The following MEI4 variants were observed in gnomAD, a reference collection of about 807,000 sequenced individuals.
MEI4 encodes meiotic double-stranded break formation protein 4.
Under a neutral mutation model 31.4 loss-of-function variants are expected in MEI4, and 27 were observed. The ratio of observed to expected loss-of-function variants is 0.86; its 90% CI spans 0.63 to 1.19. The LOEUF is 1.19. MEI4 is among the 50% of genes most tolerant of loss of function. The probability of loss-of-function intolerance (pLI) is 0.00; values close to 1 mark genes in which losing one functional copy is unlikely to be tolerated. For synonymous variants in MEI4, 122 were observed against 145.4 expected (o/e 0.84, Z 1.16); for missense variants, 329 against 398.9 (o/e 0.82, Z 1.49).
In MEI4 at chr6:77,923,931, A is replaced by C. The variant is rs1260559365; in HGVS notation, c.*585A>C. The C allele has an allele frequency of 7.8e-6, 1 of 128,984 alleles. No individual in the cohort carries two copies. Among genetic ancestry groups the C allele is most frequent in the Admixed American group, 8.6e-5 (1 of 11,626 alleles). The allele number at this position is 128,984 out of a possible 1,614,324, so 8.0% of individuals were successfully genotyped here. ...TTTCATATGGCTAATACATTTGTCG[A>C]GCTCTTTTGAAAATACTATTAATTA... On this transcript the variant is annotated 3_prime_UTR_variant, in exon 5 of 5. Coordinates refer to ENST00000684080, the MANE Select transcript of MEI4 (RefSeq NM_001322247.2).
At chr6:77,863,772 TA>T (rs1269392928) in intron 4 of MEI4, among the ~76,000 whole-genome samples, 1 of 152,020 alleles carries the variant, frequency 6.6e-6, no homozygotes, top group East Asian at 1.9e-4. Context: ...CCAAGACACA[TA>T]ATTGTCAGAT....
At chr6:77,733,723 G>T (rs1262602027) in intron 2 of MEI4, among the ~76,000 whole-genome samples, 1 of 151,912 alleles carries the variant, frequency 6.6e-6, no homozygotes, top group East Asian at 1.9e-4. Flanking sequence ...TGATGTTAGG[G>T]TGTCAATTCT....
intron 4 of MEI4, among the ~76,000 whole-genome samples, chr6:77,914,713 C>A (rs1766504308): frequency 6.6e-6 from 1 of 152,154 alleles, no homozygotes; most frequent in South Asian, 2.1e-4. Flanking sequence ...ACCTATCTCT[C>A]CCCTTAGATC....
chr6:77,921,465 G>A (rs761434865), intron 4 of MEI4, among the ~76,000 whole-genome samples: 5 of 151,678 alleles, frequency 3.3e-5, no homozygotes, highest in South Asian at 2.1e-4. Context: ...GTTACCAGTC[G>A]GGCTGTTTCC....
chr6:77,653,850 C>T (rs1026282612), intron 1 of MEI4, among the ~76,000 whole-genome samples: 11 of 152,026 alleles, frequency 7.2e-5, no homozygotes, highest in Non-Finnish European at 1.5e-5. Flanking sequence ...GAAGTCAACC[C>T]CCCATCATAT....
chr6:77,905,475 C>CTTTTTTTTTTT lies in MEI4; in HGVS notation c.901-17585_901-17575dup, dbSNP rs70974691. 9.6e-5 allele frequency among the ~76,000 whole-genome samples: 9 copies of CTTTTTTTTTTT among 93,344 alleles called. 1 individual carries two copies. The highest frequency in any genetic ancestry group is 1.5e-4 in the Non-Finnish European group (7 of 47,590). The allele number at this position is 93,344 out of a possible 152,430, so 61.2% of individuals were successfully genotyped here. ...TTCTATAGATTGTATAAATTTTCAG[C>CTTTTTTTTTTT]TTTTTTTTTTTTTTTTTTTTTTTTT... On this transcript the variant is annotated intron_variant, in intron 4 of 4. Coordinates refer to ENST00000684080, the MANE Select transcript of MEI4 (RefSeq NM_001322247.2).
Position 77,685,870 on chromosome 6 carries a change from G to A in MEI4, c.-14-4788G>A, listed in dbSNP as rs539478954. On this transcript the variant is annotated intron_variant, in intron 1 of 4. Coordinates refer to ENST00000684080, the MANE Select transcript of MEI4 (RefSeq NM_001322247.2). Reference sequence around the variant, plus strand: ...TTATAATGTTTATTGTGACAGTTTGGGAACTATAGTGATATGGTTTTGATA... The same window carrying A: ...TTATAATGTTTATTGTGACAGTTTGAGAACTATAGTGATATGGTTTTGATA... Among the ~76,000 whole-genome samples, 63 of 152,194 alleles carry A rather than the reference G, an allele frequency of 4.1e-4. 1 individual carries two copies. The highest frequency in any genetic ancestry group is 2.3e-3 in the South Asian group (11 of 4,830).
At chr6:77,726,326 C>T (rs953017692) in intron 2 of MEI4, among the ~76,000 whole-genome samples, 5 of 151,596 alleles carry the variant, frequency 3.3e-5, no homozygotes, top group African/African-American at 9.8e-5. Flanking sequence ...TCTTTCTACA[C>T]AGACACAGTA....
chr6:77,711,396 G>GAT lies in MEI4; in HGVS notation c.232+20501_232+20502dup, dbSNP rs1191362102. On this transcript the variant is annotated intron_variant, in intron 2 of 4. Transcript: ENST00000684080. Reference sequence around the variant, plus strand: ...ACACAACATTACCTTGTACACTGAAGATATATATAATTTTTATTTGTCACT... The same window carrying GAT: ...ACACAACATTACCTTGTACACTGAAGATATATATATAATTTTTATTTGTCACT... Among the ~76,000 whole-genome samples the GAT allele has an allele frequency of 2.6e-5, 4 of 152,054 alleles. No homozygotes were observed. In the East Asian group the frequency reaches 5.8e-4, roughly 22 times the overall value.
At chr6:77,784,220 A>G (rs1182647142) in intron 3 of MEI4, among the ~76,000 whole-genome samples, 2 of 152,172 alleles carry the variant, frequency 1.3e-5, no homozygotes, top group African/African-American at 2.4e-5. Context: ...TTTCAGAATA[A>G]ATACACACAC....
chr6:77,876,714 A>G (rs962355972), intron 4 of MEI4, among the ~76,000 whole-genome samples: 1 of 152,110 alleles, frequency 6.6e-6, no homozygotes, highest in South Asian at 2.1e-4. Flanking sequence ...CTCCTTATAT[A>G]ATGTCTAATA....
chr6:77,743,148 C>T (rs556401300), intron 2 of MEI4, among the ~76,000 whole-genome samples: 20 of 152,204 alleles, frequency 1.3e-4, no homozygotes, highest in African/African-American at 3.1e-4. Flanking sequence ...TTTTTTCCAA[C>T]TCTGTGAAGA....
chr6:77,681,742 T>C (rs932490854), intron 1 of MEI4, among the ~76,000 whole-genome samples: 5 of 152,186 alleles, frequency 3.3e-5, no homozygotes, highest in South Asian at 2.1e-4. Context: ...TAGTTAACTC[T>C]TTTTTCAACA....
intron 2 of MEI4, among the ~76,000 whole-genome samples, chr6:77,706,834 C>G (rs1056838204): frequency 2.0e-5 from 3 of 152,180 alleles, no homozygotes; most frequent in Non-Finnish European, 4.4e-5. Flanking sequence ...TGATTATAAG[C>G]TTCCTGAGGC....
At chr6:77,743,949 C>G (rs909238922) in intron 2 of MEI4, among the ~76,000 whole-genome samples, 51 of 152,256 alleles carry the variant, frequency 3.3e-4, no homozygotes, top group African/African-American at 1.2e-3. Flanking sequence ...AAAGGACATC[C>G]ACACCAAAAA....
chr6:77,847,190 T>C lies in MEI4; in HGVS notation c.900+18128T>C, dbSNP rs140246202. Among the ~76,000 whole-genome samples the C allele has an allele frequency of 8.1e-3, 1,231 of 152,270 alleles. 14 individuals carry two copies. Among genetic ancestry groups the C allele is most frequent in the Middle Eastern group, 0.048 (14 of 294 alleles). On this transcript the variant is annotated intron_variant, in intron 4 of 4. Transcript: ENST00000684080. The surrounding 1 kb of genome is among the most constrained non-coding windows in gnomAD (Gnocchi z 4.6). Reference sequence around the variant, plus strand: ...TTTCTCTCAATGTTCTGAAATGGTGTGTATGGAGCCAGTATATACAGAACA... The same window carrying C: ...TTTCTCTCAATGTTCTGAAATGGTGCGTATGGAGCCAGTATATACAGAACA...
intron 2 of MEI4, among the ~76,000 whole-genome samples, chr6:77,744,312 CGT>C (rs1450589824): frequency 1.7e-4 from 26 of 151,928 alleles, no homozygotes; most frequent in African/African-American, 5.8e-4. Context: ...TCGAGAACTA[CGT>C]GAAGAATGCA....
At chr6:77,850,243 A>G (rs567086897) in intron 4 of MEI4, among the ~76,000 whole-genome samples, 1 of 152,086 alleles carries the variant, frequency 6.6e-6, no homozygotes, top group Non-Finnish European at 1.5e-5. Context: ...GCCATCCCCA[A>G]CAAGCTACCA....
intron 2 of MEI4, among the ~76,000 whole-genome samples, chr6:77,697,252 G>T (rs562081637): frequency 1.3e-5 from 2 of 152,096 alleles, no homozygotes; most frequent in Non-Finnish European, 1.5e-5. Context: ...AGAGTTTTTT[G>T]TGTCTCTATT....
Sources: gnomAD v4.1 joint callset for allele counts (sites outside exome capture counted in the v4.1 genomes callset) on GRCh38, gnomAD v4.1.1 for gene constraint, Gnocchi (gnomAD v3.1) non-coding constraint, MANE v1.5 for transcripts, NCBI Gene and HGNC (gene_info 2026-07-23, HGNC 2026-07-21) for gene names.